The following TRPS1 variants were observed in gnomAD, a reference collection of about 807,000 sequenced individuals.
The protein encoded by TRPS1 is transcriptional repressor GATA binding 1, also known as zinc finger transcription factor Trps1.
A neutral mutation model predicts 101.2 loss-of-function variants in TRPS1; 6 were observed. The ratio of observed to expected loss-of-function variants is 0.06; its 90% CI spans 0.03 to 0.12. TRPS1 has a LOEUF of 0.12. Ranked by LOEUF, TRPS1 falls within the 10% of genes least tolerant of loss-of-function variation. TRPS1 has a pLI of 1.00. For missense variants in TRPS1, 1,363 were observed against 1,567.0 expected (o/e 0.87, Z 2.20); for synonymous variants, 578 against 589.8 (o/e 0.98, Z 0.29).
chr8:115,464,845 G>C (rs1444950668), intron 5 of TRPS1, among the ~76,000 whole-genome samples: 4 of 151,972 alleles, frequency 2.6e-5, no homozygotes, highest in Admixed American at 2.0e-4. Flanking sequence ...TTTAAACTAG[G>C]TTATTATATA....
At chr8:115,496,327 A>T (rs1037951260) in intron 5 of TRPS1, among the ~76,000 whole-genome samples, 11 of 152,314 alleles carry the variant, frequency 7.2e-5, no homozygotes, top group African/African-American at 2.6e-4. Context: ...TTTCAAAATA[A>T]AGACCATTGT....
intron 6 of TRPS1, among the ~76,000 whole-genome samples, chr8:115,416,142 A>T (rs1812913479): frequency 6.6e-6 from 1 of 152,014 alleles, no homozygotes; most frequent in African/African-American, 2.4e-5. Context: ...CTGTCATTCT[A>T]CTCTTTACTT....
In TRPS1 at chr8:115,445,811, T is replaced by C. The variant is rs111966100; in HGVS notation, c.2701-27359A>G. 7.1e-3 allele frequency among the ~76,000 whole-genome samples: 1,088 copies of C among 152,294 alleles called. 12 individuals are homozygous for C. The highest frequency in any genetic ancestry group is 0.022 in the African/African-American group (908 of 41,566). On this transcript the variant is annotated intron_variant, in intron 5 of 6. Transcript: ENST00000395715. Reference sequence around the variant, plus strand: ...TTACTAAGGTAATACCTTATTGTTGTACTGTCACAGCAATGTAAAAAAACT... The same window carrying C: ...TTACTAAGGTAATACCTTATTGTTGCACTGTCACAGCAATGTAAAAAAACT...
chr8:115,485,758 A>G (rs986210515), intron 5 of TRPS1, among the ~76,000 whole-genome samples: 19 of 152,248 alleles, frequency 1.2e-4, no homozygotes, highest in African/African-American at 4.6e-4. Flanking sequence ...CTGAGTCATC[A>G]GATGATTTTG....
In TRPS1 at chr8:115,410,380, AT is replaced by A. The variant is rs1812762605; in HGVS notation, c.*3642del. 1 of 152,528 alleles carries A rather than the reference AT, an allele frequency of 6.6e-6. No individual in the cohort carries two copies. The highest frequency in any genetic ancestry group is 2.4e-5 in the African/African-American group (1 of 41,530). The allele number at this position is 152,528 out of a possible 1,614,324, so 9.4% of individuals were successfully genotyped here. A position where few individuals can be genotyped will look rare whatever the true frequency, so the allele number is the denominator to read the frequency against. ...GTTAAAGATACTTTTTTCCCTTCTCATTAATATTACCTTAGAAAAGAATCCC... is the reference window on the plus strand; with the variant it reads ...GTTAAAGATACTTTTTTCCCTTCTCATAATATTACCTTAGAAAAGAATCCC... On this transcript the variant is annotated 3_prime_UTR_variant, in exon 7 of 7. Coordinates refer to ENST00000395715, the MANE Select transcript of TRPS1 (RefSeq NM_014112.5).
At chr8:115,641,743 G>A (rs909719813) in intron 1 of TRPS1, among the ~76,000 whole-genome samples, 2 of 152,184 alleles carry the variant, frequency 1.3e-5, no homozygotes, top group Admixed American at 6.5e-5. Flanking sequence ...AGCTGAGCAT[G>A]GTGGCGCATG....
At chr8:115,460,357 G>A (rs922431071) in intron 5 of TRPS1, among the ~76,000 whole-genome samples, 2 of 151,854 alleles carry the variant, frequency 1.3e-5, no homozygotes, top group African/African-American at 2.4e-5. Context: ...CTTATTTAAA[G>A]TTTAATGAAA....
intron 5 of TRPS1, among the ~76,000 whole-genome samples, chr8:115,565,879 A>T (rs1394081333): frequency 6.6e-6 from 1 of 152,138 alleles, no homozygotes; most frequent in African/African-American, 2.4e-5. Context: ...ATTACACCAA[A>T]GGCAATATTT....
At position 115,587,404 on chromosome 8, in the gene TRPS1, T is replaced by G. The variant is rs1817588637; in HGVS notation, c.2297A>C (p.Asp766Ala). The G allele has an allele frequency of 6.2e-7, 1 of 1,614,106 alleles. No homozygotes were observed. The highest frequency in any genetic ancestry group is 1.1e-5 in the South Asian group (1 of 91,084). The change falls in exon 5 of 7, where the codon GAC (aspartate) becomes GCC (alanine). Residue 766 changes from aspartate to alanine, a missense_variant. Asp to Ala is a moderately radical substitution (Grantham distance 126). Transcript: ENST00000395715. Reference protein sequence around the residue: ...DFRVYNLLTPDSKMGEPVSES... With the variant: ...DFRVYNLLTPASKMGEPVSES... Reference sequence around the variant, plus strand: ...AGAAACTGGCTCTCCCATTTTAGAGTCTGGAGTTAGCAGATTGTAGACCCT... The same window carrying G: ...AGAAACTGGCTCTCCCATTTTAGAGGCTGGAGTTAGCAGATTGTAGACCCT...
chr8:115,478,439 C>T (rs1048124136), intron 5 of TRPS1, among the ~76,000 whole-genome samples: 1 of 152,140 alleles, frequency 6.6e-6, no homozygotes, highest in Non-Finnish European at 1.5e-5. Context: ...TTTCCCCATG[C>T]TTGCTTGTGG....
chr8:115,424,913 A>G (rs1305832561), intron 5 of TRPS1, among the ~76,000 whole-genome samples: 1 of 152,088 alleles, frequency 6.6e-6, no homozygotes, highest in African/African-American at 2.4e-5. Flanking sequence ...TTTTATTCTT[A>G]TCTCTATCAT....
chr8:115,425,518 G>C (rs1489820007), intron 5 of TRPS1, among the ~76,000 whole-genome samples: 1 of 152,148 alleles, frequency 6.6e-6, no homozygotes, highest in Non-Finnish European at 1.5e-5. Context: ...ATCATACCTT[G>C]CACTGAGATA....
intron 5 of TRPS1, among the ~76,000 whole-genome samples, chr8:115,447,038 G>T (rs1813754890): frequency 6.6e-6 from 1 of 152,066 alleles, no homozygotes; most frequent in South Asian, 2.1e-4. Context: ...CCAAGACCCG[G>T]TGAATCAGAA....
chr8:115,574,677 G>C (rs1048263992), intron 5 of TRPS1, among the ~76,000 whole-genome samples: 1 of 152,030 alleles, frequency 6.6e-6, no homozygotes, highest in Non-Finnish European at 1.5e-5. Flanking sequence ...TCAACTTCAT[G>C]TGCTCACCAA....
intron 5 of TRPS1, among the ~76,000 whole-genome samples, chr8:115,431,434 T>C (rs1246378066): frequency 6.6e-6 from 1 of 152,026 alleles, no homozygotes; most frequent in Non-Finnish European, 1.5e-5. Flanking sequence ...AAGAGTTTAT[T>C]ACATCAATGA....
Position 115,604,502 on chromosome 8 carries a change from G to A in TRPS1, c.1467C>T (p.Ser489=). 6.2e-7 allele frequency: 1 copy of A among 1,614,058 alleles called. No individual in the cohort carries two copies. The highest frequency in any genetic ancestry group is 2.2e-5 in the East Asian group (1 of 44,870). Residue 489 remains serine (S), a synonymous_variant, in exon 4 of 7, where the codon TCC becomes TCT. Transcript: ENST00000395715. The surrounding 1 kb of genome is among the most constrained non-coding windows in gnomAD (Gnocchi z 4.1). ...GLNPELNDKL[S]RGSVINQNDL... is the part of the protein sequence containing the mutation. Reference sequence around the variant, plus strand: ...CATTCTGATTAATGACAGAGCCCCTGGAAAGCTTATCATTTAACTCTGGAT... The same window carrying A: ...CATTCTGATTAATGACAGAGCCCCTAGAAAGCTTATCATTTAACTCTGGAT...
At chr8:115,617,254 C>T (rs1182622214) in intron 3 of TRPS1, among the ~76,000 whole-genome samples, 3 of 152,142 alleles carry the variant, frequency 2.0e-5, no homozygotes, top group Admixed American at 1.3e-4. Context: ...CACTTTTTGT[C>T]TTCCTCGGTG....
At chr8:115,481,206 T>A (rs1168198103) in intron 5 of TRPS1, among the ~76,000 whole-genome samples, 1 of 152,082 alleles carries the variant, frequency 6.6e-6, no homozygotes, top group Admixed American at 6.5e-5. Flanking sequence ...ATATTTCAGG[T>A]TTATAAATAG....
intron 1 of TRPS1, among the ~76,000 whole-genome samples, chr8:115,634,096 A>C (rs1818713564): frequency 6.6e-6 from 1 of 152,180 alleles, no homozygotes; most frequent in South Asian, 2.1e-4. Flanking sequence ...TTCATGTGGC[A>C]TTTAGTCTTT....
Sources: allele counts gnomAD v4.1 joint callset (sites outside exome capture counted in the v4.1 genomes callset), GRCh38; gene constraint gnomAD v4.1.1; non-coding constraint Gnocchi (gnomAD v3.1); transcripts MANE v1.5; gene names NCBI Gene and HGNC (gene_info 2026-07-23, HGNC 2026-07-21).